Variants in STK36 observed in about 807,000 individuals in gnomAD.
STK36 encodes serine/threonine kinase 36.
Under a neutral mutation model 142.2 loss-of-function variants are expected in STK36, and 116 were observed. The ratio of observed to expected loss-of-function variants is 0.82; its 90% CI spans 0.70 to 0.95. The LOEUF (loss-of-function observed/expected upper bound fraction) is 0.95, where lower values mean the gene tolerates loss of function less well. Ranked by LOEUF, STK36 falls within the 40% of genes least tolerant of loss-of-function variation. STK36 has a pLI of 0.00. For synonymous variants in STK36, 619 were observed against 641.7 expected, an observed-to-expected ratio of 0.96 and a Z score of 0.53; for missense variants, 1,422 against 1,617.2, an observed-to-expected ratio of 0.88 and a Z score of 2.07.
rs1263284527 is a variant in STK36, at chr2:218,699,361, G to T, written c.3804+13G>T. Reference sequence around the variant, plus strand: ...TGGCATCCATCAGGTATACCCTACAGCACTTATGAACCATGATGATCAGGG... The same window carrying T: ...TGGCATCCATCAGGTATACCCTACATCACTTATGAACCATGATGATCAGGG... On this transcript the variant is annotated intron_variant, in intron 26 of 26. Transcript: ENST00000295709. 1.1e-5 allele frequency: 17 copies of T among 1,609,946 alleles called. No homozygotes were observed. The Admixed American group carries it at 2.9e-4, about 27-fold the overall frequency.
intron 10 of STK36, among the ~76,000 whole-genome samples, chr2:218,682,128 T>C (rs1940549619): frequency 6.6e-6 from 1 of 152,156 alleles, no homozygotes; most frequent in African/African-American, 2.4e-5. Context: ...GGTTTCACCA[T>C]GTTGGCTAGG....
At position 218,672,117 on chromosome 2, in the gene STK36, A is replaced by G; in HGVS notation, c.-188A>G. On this transcript the variant is annotated 5_prime_UTR_variant, in exon 1 of 27. The change abolishes an upstream ATG in the 5' untranslated region. Coordinates refer to ENST00000295709, the MANE Select transcript of STK36 (RefSeq NM_015690.5). The stretch of plus-strand genomic sequence containing the variant: ...GCCTGATGGCCCTGAGGCAGTTCGG[A>G]TGTGTCCCAGGAAGTGCCCATGTGT... 1.1e-6 allele frequency: 1 copy of G among 945,996 alleles called. No homozygotes were observed. The highest frequency in any genetic ancestry group is 1.6e-6 in the Non-Finnish European group (1 of 611,920). The allele number at this position is 945,996 out of a possible 1,614,324, so 58.6% of individuals were successfully genotyped here.
chr2:218,694,004 T>A lies in STK36; in HGVS notation c.2336+21T>A. 1 of 1,612,100 alleles carries A rather than the reference T, an allele frequency of 6.2e-7. No individual in the cohort carries two copies. Among genetic ancestry groups the A allele is most frequent in the Non-Finnish European group, 8.5e-7 (1 of 1,178,192 alleles). On this transcript the variant is annotated intron_variant, in intron 19 of 26. Coordinates refer to ENST00000295709, the MANE Select transcript of STK36 (RefSeq NM_015690.5). This position sits in a 1 kb window ranked among gnomAD's most constrained non-coding sequence, Gnocchi z 4.4. ...TGTGGGTAAGTCATAAAGTAGGGTG[T>A]CTCCACAGAAGTCTTCTAGCCACAT...
Position 218,689,330 on chromosome 2 carries a change from C to T in STK36, c.1560+454C>T, listed in dbSNP as rs529568540. Reference sequence around the variant, plus strand: ...GCTTCATTGACCTGATCTTACAGAGCAGAGTACTAAAATTCAGAGGTAACT... The same window carrying T: ...GCTTCATTGACCTGATCTTACAGAGTAGAGTACTAAAATTCAGAGGTAACT... On this transcript the variant is annotated intron_variant, in intron 12 of 26. Coordinates refer to ENST00000295709, the MANE Select transcript of STK36 (RefSeq NM_015690.5). Among the ~76,000 whole-genome samples, 3 of 152,292 alleles carry T rather than the reference C, an allele frequency of 2.0e-5. No homozygotes were observed. The East Asian group carries it at 5.8e-4, about 29-fold the overall frequency.
At chr2:218,700,130 A>G (rs1219039129) in intron 26 of STK36, among the ~76,000 whole-genome samples, 1 of 152,148 alleles carries the variant, frequency 6.6e-6, no homozygotes. Context: ...CATGTTGGTC[A>G]GGCTGGTCTC....
Position 218,694,045 on chromosome 2 carries a change from A to C in STK36, c.2336+62A>C. ...CTAGCCACATAGCTAACCCTCACAAAGAGTATGGGGAATGGTACCCTACAG... is the reference window on the plus strand; with the variant it reads ...CTAGCCACATAGCTAACCCTCACAACGAGTATGGGGAATGGTACCCTACAG... On this transcript the variant is annotated intron_variant, in intron 19 of 26. Coordinates refer to ENST00000295709, the MANE Select transcript of STK36 (RefSeq NM_015690.5). This position sits in a 1 kb window ranked among gnomAD's most constrained non-coding sequence, Gnocchi z 4.4. The C allele has an allele frequency of 6.6e-7, 1 of 1,506,036 alleles. No individual in the cohort carries two copies. The highest frequency in any genetic ancestry group is 9.2e-7 in the Non-Finnish European group (1 of 1,081,980). 93.3% of individuals were successfully genotyped at this position (1,506,036 alleles called of 1,614,324 possible). A position where few individuals can be genotyped will look rare whatever the true frequency, so the allele number is the denominator to read the frequency against.
chr2:218,685,759 C>T (rs1475415047), intron 11 of STK36, among the ~76,000 whole-genome samples: 1 of 152,176 alleles, frequency 6.6e-6, no homozygotes, highest in African/African-American at 2.4e-5. Context: ...GCTTTTCCTT[C>T]CTGGGTACTC....
chr2:218,697,184 A>C lies in STK36; in HGVS notation c.2732A>C (p.Glu911Ala). The change falls in exon 23 of 27, where the codon GAG (glutamate) becomes GCG (alanine). Residue 911 changes from glutamate to alanine, a missense_variant. By Grantham distance (107) the Glu-to-Ala change is moderately radical. Transcript: ENST00000295709. ...TCGCTATCCAGTCCACCAAGCCCTG[A>C]GCCAGACTGGACACTGATTTCTCCC... is the stretch of plus-strand genomic sequence containing the variant. ...ELSLSSPPSP[E>A]PDWTLISPQG... 6.2e-7 allele frequency: 1 copy of C among 1,613,800 alleles called. No homozygotes were observed.
intron 15 of STK36, 130 bp downstream of exon 15, chr2:218,692,423 G>A: frequency 6.7e-7 from 1 of 1,487,614 alleles, no homozygotes; most frequent in East Asian, 2.3e-5. Flanking sequence ...TGTGAACTGA[G>A]AGAATGAATG....
At position 218,672,808 on chromosome 2, in the gene STK36, A is replaced by G; in HGVS notation, c.-22A>G. The G allele has an allele frequency of 6.2e-7, 1 of 1,612,540 alleles. No individual in the cohort carries two copies. Among genetic ancestry groups the G allele is most frequent in the Non-Finnish European group, 8.5e-7 (1 of 1,178,678 alleles). On this transcript the variant is annotated 5_prime_UTR_variant, in exon 2 of 27. An upstream open reading frame in the 5' UTR loses its in-frame stop. Coordinates refer to ENST00000295709, the MANE Select transcript of STK36 (RefSeq NM_015690.5). ...TCACCGTCTCTACTTTCTTCCTTCTAAGAGATCCTGAAACCTCTGTCATGG... is the reference window on the plus strand; with the variant it reads ...TCACCGTCTCTACTTTCTTCCTTCTGAGAGATCCTGAAACCTCTGTCATGG...
chr2:218,693,936 C>CT lies in STK36; in HGVS notation c.2290dup (p.Tyr764LeufsTer23). ...GGGAAGAGTCTACTGAAGTGACACTCTACTTCCTCTCCCTTCTTGTCTTTC... is the reference window on the plus strand; with the variant it reads ...GGGAAGAGTCTACTGAAGTGACACTCTTACTTCCTCTCCCTTCTTGTCTTTC... On this transcript the variant is annotated frameshift_variant, in exon 19 of 27. Transcript: ENST00000295709. LOFTEE classifies it high-confidence loss of function. 1 of 1,614,266 alleles carries CT rather than the reference C, an allele frequency of 6.2e-7. No individual in the cohort carries two copies. The highest frequency in any genetic ancestry group is 2.2e-5 in the East Asian group (1 of 44,888).
chr2:218,683,727 C>A (rs967808461), intron 10 of STK36, among the ~76,000 whole-genome samples: 2 of 152,074 alleles, frequency 1.3e-5, no homozygotes. Context: ...CAGTGCTATC[C>A]CTCCCCCTTC....
At position 218,699,105 on chromosome 2, in the gene STK36, A is replaced by T. The variant is rs1172653306; in HGVS notation, c.3561A>T (p.Gly1187=). 6.2e-7 allele frequency: 1 copy of T among 1,613,940 alleles called. No homozygotes were observed. The highest frequency in any genetic ancestry group is 8.5e-7 in the Non-Finnish European group (1 of 1,179,986). The change falls in exon 26 of 27, where the codon GGA becomes GGT. Residue 1187 remains glycine (G), a synonymous_variant. Coordinates refer to ENST00000295709, the MANE Select transcript of STK36 (RefSeq NM_015690.5). ...CAGCCTACCAGGCTGGTCCTCTGGG[A>T]CCTGCCCTGGCAGCTGCAGTGCCCA... ...GNAAYQAGPL[G]PALAAAVPSM...
intron 4 of STK36, among the ~76,000 whole-genome samples, chr2:218,674,616 T>G (rs2057753814): frequency 6.6e-6 from 1 of 152,246 alleles, no homozygotes; most frequent in Admixed American, 6.5e-5. Context: ...GAATTTTATT[T>G]TTTGAGACAG....
intron 13 of STK36, among the ~76,000 whole-genome samples, chr2:218,690,173 G>A (rs975986467): frequency 6.6e-6 from 1 of 152,076 alleles, no homozygotes; most frequent in African/African-American, 2.4e-5. Context: ...CAGTCACCAT[G>A]GTCCTAAAAT....
At position 218,697,059 on chromosome 2, in the gene STK36, C is replaced by T. The variant is rs1310061467; in HGVS notation, c.2607C>T (p.Ile869=). Residue 869 remains isoleucine (I), a synonymous_variant, in exon 23 of 27, where the codon ATC becomes ATT. Transcript: ENST00000295709. ...LLTEQGKASL[I]RDMSSSEMWT... ...TCTAGCAGGGGAAGGCTAGCCTAAT[C>T]AGGGATATGTCCAGTTCAGAAATGT... is the stretch of plus-strand genomic sequence containing the variant. 1 of 1,613,920 alleles carries T rather than the reference C, an allele frequency of 6.2e-7. No homozygotes were observed. The highest frequency in any genetic ancestry group is 8.5e-7 in the Non-Finnish European group (1 of 1,179,984).
chr2:218,690,086 G>A (rs1372167221), intron 13 of STK36, 130 bp downstream of exon 13: 7 of 873,028 alleles, frequency 8.0e-6, no homozygotes, highest in Non-Finnish European at 1.3e-5. Context: ...AATCAGCTGA[G>A]TGGCCACTCA....
chr2:218,675,355 G>T lies in STK36; in HGVS notation c.316G>T (p.Ala106Ser). Residue 106 changes from alanine (A) to serine (S), a missense_variant, in exon 5 of 27, where the codon GCT becomes TCT. Physicochemically the swap from Ala to Ser is moderately conservative, Grantham distance 99. Around this residue, in one of 2 missense-constraint regions of STK36, gnomAD observed 460 missense variants for 449.6 expected, o/e 1.02. Coordinates refer to ENST00000295709, the MANE Select transcript of STK36 (RefSeq NM_015690.5). ...KLPEDQVQAI[A>S]AQLVSALYYL... Reference sequence around the variant, plus strand: ...CTTTAATTTCTAGGTTCAGGCCATTGCTGCCCAGTTGGTGTCAGCCCTGTA... The same window carrying T: ...CTTTAATTTCTAGGTTCAGGCCATTTCTGCCCAGTTGGTGTCAGCCCTGTA... The T allele has an allele frequency of 6.2e-7, 1 of 1,609,858 alleles. No individual in the cohort carries two copies. The highest frequency in any genetic ancestry group is 1.1e-5 in the South Asian group (1 of 90,590).
At position 218,694,011 on chromosome 2, in the gene STK36, A is replaced by C. The variant is rs372945043; in HGVS notation, c.2336+28A>C. On this transcript the variant is annotated intron_variant, in intron 19 of 26. Transcript: ENST00000295709. This position sits in a 1 kb window ranked among gnomAD's most constrained non-coding sequence, Gnocchi z 4.4. ...AAGTCATAAAGTAGGGTGTCTCCAC[A>C]GAAGTCTTCTAGCCACATAGCTAAC... 4 of 1,608,294 alleles carry C rather than the reference A, an allele frequency of 2.5e-6. No individual in the cohort carries two copies. The Middle Eastern group carries it at 5.0e-4, about 200-fold the overall frequency.
Sources: gnomAD v4.1 joint callset for allele counts (sites outside exome capture counted in the v4.1 genomes callset) on GRCh38, gnomAD v4.1.1 for gene constraint, gnomAD v4.1.1 regional missense constraint, Gnocchi (gnomAD v3.1) non-coding constraint, MANE v1.5 for transcripts, NCBI Gene and HGNC (gene_info 2026-07-23, HGNC 2026-07-21) for gene names.